Variants in UBE2E1 observed in about 807,000 individuals in gnomAD.
UBE2E1 encodes the protein ubiquitin-conjugating enzyme E2 E1.
A neutral mutation model predicts 21.4 loss-of-function variants in UBE2E1; 6 were observed. That is an observed-to-expected ratio of 0.28 (90% CI 0.15 to 0.55). The LOEUF is 0.55. Ranked by LOEUF, UBE2E1 falls within the 20% of genes least tolerant of loss-of-function variation. UBE2E1 has a pLI of 0.93. For missense variants in UBE2E1, 142 were observed against 236.5 expected, an observed-to-expected ratio of 0.60 and a Z score of 2.62; for synonymous variants, 87 against 82.7, an observed-to-expected ratio of 1.05 and a Z score of -0.28.
At chr3:23,888,128 A>AG (rs1421339990) in intron 4 of UBE2E1, 1 of 430,666 alleles carries the variant, frequency 2.3e-6, no homozygotes, top group African/African-American at 2.0e-5. Flanking sequence ...CCCCAAAAAA[A>AG]GGCAGGGCAG....
rs1250873546 is a variant in UBE2E1 at position 23,890,769 on chromosome 3, T to C, written c.*163T>C. The C allele has an allele frequency of 1.6e-5, 9 of 568,042 alleles. No individual in the cohort carries two copies. Among genetic ancestry groups the C allele is most frequent in the Non-Finnish European group, 2.5e-5 (9 of 353,376 alleles). The allele number at this position is 568,042 out of a possible 1,614,324, so 35.2% of individuals were successfully genotyped here. A position where few individuals can be genotyped will look rare whatever the true frequency, so the allele number is the denominator to read the frequency against. ...AGATTTTGTTGTAACTTAAGGTATC[T>C]TGCTACAGTAGACAGAATTGGTAAT... On this transcript the variant is annotated 3_prime_UTR_variant, in exon 6 of 6. Transcript: ENST00000306627.
rs1405266943 is a variant in UBE2E1, at chr3:23,863,092, T to C, written c.204-24475T>C. Among the ~76,000 whole-genome samples, 1 of 152,090 alleles carries C rather than the reference T, an allele frequency of 6.6e-6. No homozygotes were observed. On this transcript the variant is annotated intron_variant, in intron 3 of 5. Transcript: ENST00000306627. This position sits in a 1 kb window ranked among gnomAD's most constrained non-coding sequence, Gnocchi z 4.3. Reference sequence around the variant, plus strand: ...AAAAACTATTCCCAGCATTTTGCTCTCTAGTGGCAACTACTTGTACCTCCT... The same window carrying C: ...AAAAACTATTCCCAGCATTTTGCTCCCTAGTGGCAACTACTTGTACCTCCT...
At chr3:23,843,229 G>A (rs918282488) in intron 3 of UBE2E1, among the ~76,000 whole-genome samples, 19 of 152,116 alleles carry the variant, frequency 1.2e-4, no homozygotes, top group African/African-American at 4.6e-4. Flanking sequence ...ATAATACCTG[G>A]ACTTAGTTTG....
intron 3 of UBE2E1, among the ~76,000 whole-genome samples, chr3:23,845,247 A>T (rs535745388): frequency 2.0e-5 from 3 of 152,222 alleles, no homozygotes; most frequent in Admixed American, 6.5e-5. Flanking sequence ...AATGGACAGG[A>T]TATTTTCTTC....
chr3:23,845,036 T>A (rs1700167770), intron 3 of UBE2E1, among the ~76,000 whole-genome samples: 1 of 152,050 alleles, frequency 6.6e-6, no homozygotes, highest in Non-Finnish European at 1.5e-5. Flanking sequence ...AGGAGGTAAA[T>A]AAAACCGGAT....
chr3:23,811,083 A>G (rs189051288), intron 2 of UBE2E1: 48 of 232,908 alleles, frequency 2.1e-4, no homozygotes, highest in African/African-American at 1.0e-3. Flanking sequence ...CGTCCTTCCC[A>G]CGCACCGATG....
At chr3:23,874,048 C>G (rs1019427158) in intron 3 of UBE2E1, among the ~76,000 whole-genome samples, 1 of 152,188 alleles carries the variant, frequency 6.6e-6, no homozygotes, top group Non-Finnish European at 1.5e-5. Flanking sequence ...TGTGTCACTT[C>G]CCATGCTTCC....
At chr3:23,845,468 G>C (rs1237608733) in intron 3 of UBE2E1, among the ~76,000 whole-genome samples, 1 of 127,604 alleles carries the variant, frequency 7.8e-6, no homozygotes, top group Non-Finnish European at 1.7e-5. Flanking sequence ...GTGTAGATCA[G>C]TGTTTTCTGA....
intron 2 of UBE2E1, among the ~76,000 whole-genome samples, chr3:23,809,823 A>G (rs557775036): frequency 4.6e-5 from 7 of 152,308 alleles, no homozygotes; most frequent in South Asian, 2.1e-4. Flanking sequence ...CAGGAAACCA[A>G]TTTTCCAAAC....
rs1484052133 is a variant in UBE2E1, at chr3:23,887,468, CAAAAG to C, written c.204-97_204-93del. ...TTGTAAAGAGAATCCACACAGTAAA[CAAAAG>C]AGAGGAGAGAGGTAATCTTTCCATC... is the stretch of plus-strand genomic sequence containing the variant. On this transcript the variant is annotated intron_variant, in intron 3 of 5. Transcript: ENST00000306627. The surrounding 1 kb of genome is among the most constrained non-coding windows in gnomAD (Gnocchi z 4.4). The C allele has an allele frequency of 2.1e-6, 3 of 1,445,880 alleles. No homozygotes were observed. Among genetic ancestry groups the C allele is most frequent in the African/African-American group, 2.8e-5 (2 of 70,462 alleles). 89.6% of individuals were successfully genotyped at this position (1,445,880 alleles called of 1,614,324 possible).
At chr3:23,811,154 A>G in intron 2 of UBE2E1, 1 of 427,720 alleles carries the variant, frequency 2.3e-6, no homozygotes, top group South Asian at 4.2e-5. Flanking sequence ...CCGGTCGGCA[A>G]GTGAGAAACT....
intron 5 of UBE2E1, 66 bp downstream of exon 5, chr3:23,889,325 C>G: frequency 6.2e-7 from 1 of 1,605,832 alleles, no homozygotes; most frequent in Non-Finnish European, 8.5e-7. Flanking sequence ...TTTCCAAAAG[C>G]TTTCAAAGGA....
intron 3 of UBE2E1, among the ~76,000 whole-genome samples, chr3:23,844,525 C>T (rs1015839678): frequency 1.3e-5 from 2 of 152,204 alleles, no homozygotes; most frequent in South Asian, 2.1e-4. Context: ...CATTCTGGTC[C>T]GTAATCTTTT....
chr3:23,862,336 G>T (rs771027485), intron 3 of UBE2E1, among the ~76,000 whole-genome samples: 1 of 152,058 alleles, frequency 6.6e-6, no homozygotes, highest in Non-Finnish European at 1.5e-5. Context: ...AAGTTCTTCG[G>T]TTTGGTCACC....
intron 3 of UBE2E1, among the ~76,000 whole-genome samples, chr3:23,817,191 C>T (rs2125283846): frequency 6.6e-6 from 1 of 152,170 alleles, no homozygotes; most frequent in East Asian, 1.9e-4. Flanking sequence ...GCCTGTAATC[C>T]CAGCACTTTG....
At chr3:23,848,902 C>A (rs1575014004) in intron 3 of UBE2E1, among the ~76,000 whole-genome samples, 1 of 152,172 alleles carries the variant, frequency 6.6e-6, no homozygotes, top group South Asian at 2.1e-4. Flanking sequence ...TGAGTGGCTT[C>A]TTTCACTTAG....
At chr3:23,829,179 A>AAAG (rs1427065844) in intron 3 of UBE2E1, among the ~76,000 whole-genome samples, 2 of 151,292 alleles carry the variant, frequency 1.3e-5, no homozygotes, top group East Asian at 3.9e-4. Context: ...AAAAAAAAAA[A>AAAG]AGAGAGGGCC....
rs1254027474 is a variant in UBE2E1 at position 23,823,565 on chromosome 3, G to A, written c.203+12055G>A. Among the ~76,000 whole-genome samples, 1 of 152,038 alleles carries A rather than the reference G, an allele frequency of 6.6e-6. No individual in the cohort carries two copies. The highest frequency in any genetic ancestry group is 2.4e-5 in the African/African-American group (1 of 41,392). On this transcript the variant is annotated intron_variant, in intron 3 of 5. Transcript: ENST00000306627. This position sits in a 1 kb window ranked among gnomAD's most constrained non-coding sequence, Gnocchi z 4.2. ...ATTTTTAAGTTAATATATTAGAATT[G>A]GTGTTATAAAAATTTATTTCTTAGC... is the stretch of plus-strand genomic sequence containing the variant.
At chr3:23,851,418 GT>G in intron 3 of UBE2E1, among the ~76,000 whole-genome samples, 1 of 151,978 alleles carries the variant, frequency 6.6e-6, no homozygotes, top group East Asian at 1.9e-4. Flanking sequence ...GTCAATTTCT[GT>G]TTTTCATTTT....
Sources: gnomAD v4.1 joint callset for allele counts (sites outside exome capture counted in the v4.1 genomes callset) on GRCh38, gnomAD v4.1.1 for gene constraint, Gnocchi (gnomAD v3.1) non-coding constraint, MANE v1.5 for transcripts, NCBI Gene and HGNC (gene_info 2026-07-23, HGNC 2026-07-21) for gene names.